The following MACROD2 variants were observed in gnomAD, a reference collection of about 807,000 sequenced individuals.
MACROD2 encodes ADP-ribose glycohydrolase MACROD2.
Under a neutral mutation model 70.4 loss-of-function variants are expected in MACROD2, and 36 were observed. That is an observed-to-expected ratio of 0.51 (90% CI 0.39 to 0.68). The LOEUF is 0.68. MACROD2 is among the 30% of genes least tolerant of loss of function. MACROD2 has a pLI of 0.00. For missense variants in MACROD2, 496 were observed against 538.4 expected, an observed-to-expected ratio of 0.92 and a Z score of 0.78; for synonymous variants, 172 against 178.8, an observed-to-expected ratio of 0.96 and a Z score of 0.30.
intron 8 of MACROD2, among the ~76,000 whole-genome samples, chr20:15,710,234 A>T (rs1028876979): frequency 2.6e-5 from 4 of 152,168 alleles, no homozygotes; most frequent in Middle Eastern, 3.4e-3. Context: ...TAAGGATGCA[A>T]AAAAAGTGAA....
At chr20:15,759,877 T>C (rs778988727) in intron 8 of MACROD2, among the ~76,000 whole-genome samples, 2 of 152,236 alleles carry the variant, frequency 1.3e-5, no homozygotes, top group Non-Finnish European at 2.9e-5. Context: ...AACTCGTACA[T>C]GCATTTGTAC....
chr20:15,502,786 A>G (rs1256335471), intron 8 of MACROD2, among the ~76,000 whole-genome samples: 4 of 152,164 alleles, frequency 2.6e-5, no homozygotes, highest in African/African-American at 4.8e-5. Context: ...ACTACCCCCA[A>G]ATCTTGGTAT....
intron 5 of MACROD2, among the ~76,000 whole-genome samples, chr20:14,724,967 G>A (rs1478677537): frequency 6.6e-6 from 1 of 152,180 alleles, no homozygotes; most frequent in East Asian, 1.9e-4. Context: ...GCCCAGATGA[G>A]AAATAGTAGT....
chr20:14,897,080 C>T (rs2073839260), intron 5 of MACROD2, among the ~76,000 whole-genome samples: 1 of 152,108 alleles, frequency 6.6e-6, no homozygotes, highest in Non-Finnish European at 1.5e-5. Flanking sequence ...GGAGTTCCTG[C>T]ACTTTTCTTG....
chr20:15,452,040 GTGTC>G (rs1182834285), intron 7 of MACROD2, among the ~76,000 whole-genome samples: 1 of 152,122 alleles, frequency 6.6e-6, no homozygotes, highest in African/African-American at 2.4e-5. Flanking sequence ...CTGTAACGGA[GTGTC>G]TGTCTGTGCG....
chr20:15,144,876 T>C (rs2076219107), intron 5 of MACROD2, among the ~76,000 whole-genome samples: 1 of 152,194 alleles, frequency 6.6e-6, no homozygotes, highest in Non-Finnish European at 1.5e-5. Context: ...ACTATAGTAC[T>C]ATATACTATA....
chr20:15,757,756 G>A (rs1468431674), intron 8 of MACROD2, among the ~76,000 whole-genome samples: 1 of 151,972 alleles, frequency 6.6e-6, no homozygotes, highest in Non-Finnish European at 1.5e-5. Context: ...AGATAGAGAA[G>A]AGAGAGAGAG....
chr20:14,923,782 G>A (rs892859568), intron 5 of MACROD2, among the ~76,000 whole-genome samples: 1 of 145,552 alleles, frequency 6.9e-6, no homozygotes, highest in African/African-American at 2.5e-5. Flanking sequence ...CTAGGCTGGC[G>A]GTGCGTTGGG....
In MACROD2 at chr20:14,503,360, A is replaced by G. The variant is rs570780478; in HGVS notation, c.301+9852A>G. Among the ~76,000 whole-genome samples the G allele has an allele frequency of 8.5e-5, 13 of 152,274 alleles. No homozygotes were observed. The East Asian group carries it at 2.3e-3, about 27-fold the overall frequency. ...CAGGAGAGACCTGGCAATAGTCTGG[A>G]GCCCTCTGAGGTCAGTATATAGACC... is the stretch of plus-strand genomic sequence containing the variant. On this transcript the variant is annotated intron_variant, in intron 4 of 17. Transcript: ENST00000684519.
chr20:14,238,328 G>A (rs926916056), intron 3 of MACROD2, among the ~76,000 whole-genome samples: 29 of 152,200 alleles, frequency 1.9e-4, no homozygotes, highest in Non-Finnish European at 4.0e-4. Context: ...CTTAATTAAT[G>A]TAGAAAAACC....
chr20:15,657,653 A>T (rs1191422524), intron 8 of MACROD2, among the ~76,000 whole-genome samples: 1 of 152,228 alleles, frequency 6.6e-6, no homozygotes, highest in Non-Finnish European at 1.5e-5. Context: ...TTTACCTAGT[A>T]GACAGCATCT....
chr20:15,176,339 T>C (rs1213487783), intron 5 of MACROD2, among the ~76,000 whole-genome samples: 3 of 152,178 alleles, frequency 2.0e-5, no homozygotes, highest in Non-Finnish European at 4.4e-5. Flanking sequence ...CTGAAGCCTG[T>C]GGGCTGGGCT....
At chr20:14,149,597 C>T (rs1248075100) in intron 3 of MACROD2, among the ~76,000 whole-genome samples, 1 of 152,196 alleles carries the variant, frequency 6.6e-6, no homozygotes, top group Non-Finnish European at 1.5e-5. Flanking sequence ...TTTACATTCT[C>T]ATTAACAGTG....
At chr20:15,471,682 T>C (rs2046965771) in intron 7 of MACROD2, among the ~76,000 whole-genome samples, 1 of 152,194 alleles carries the variant, frequency 6.6e-6, no homozygotes, top group African/African-American at 2.4e-5. Context: ...AGTTCCTTCT[T>C]CTTTTCCACC....
intron 15 of MACROD2, among the ~76,000 whole-genome samples, chr20:16,038,385 G>A (rs2067262506): frequency 6.6e-6 from 1 of 151,682 alleles, no homozygotes; most frequent in Non-Finnish European, 1.5e-5. Flanking sequence ...TATCTCATAT[G>A]GTTCCTTCAC....
chr20:15,379,348 G>C (rs982832852), intron 6 of MACROD2, among the ~76,000 whole-genome samples: 3 of 151,316 alleles, frequency 2.0e-5, no homozygotes, highest in Admixed American at 6.6e-5. Context: ...CATCATTTTT[G>C]GTCTACAAAA....
At chr20:15,313,538 A>G (rs1283110003) in intron 6 of MACROD2, among the ~76,000 whole-genome samples, 2 of 151,682 alleles carry the variant, frequency 1.3e-5, no homozygotes, top group African/African-American at 2.4e-5. Context: ...ATGACATGCA[A>G]TAACTGAAGT....
rs1271347460 is a variant in MACROD2, at chr20:15,355,562, A to G, written c.541-75843A>G. ...TCATTACATAGACAAGATTGATTAA[A>G]TAATTGGCCACATGATTAAACTCAA... On this transcript the variant is annotated intron_variant, in intron 6 of 17. Transcript: ENST00000684519. Among the ~76,000 whole-genome samples the G allele has an allele frequency of 2.6e-5, 4 of 152,288 alleles. No individual in the cohort carries two copies. In the East Asian group the frequency reaches 7.7e-4, roughly 29 times the overall value.
intron 4 of MACROD2, among the ~76,000 whole-genome samples, chr20:14,496,216 A>T (rs2084851114): frequency 6.6e-6 from 1 of 152,184 alleles, no homozygotes. Context: ...CATGAATTAA[A>T]ATCCCTTCAA....
Sources: allele counts gnomAD v4.1 joint callset (sites outside exome capture counted in the v4.1 genomes callset), GRCh38; gene constraint gnomAD v4.1.1; transcripts MANE v1.5; gene names NCBI Gene and HGNC (gene_info 2026-07-23, HGNC 2026-07-21).